The following C7orf78 variants were observed in gnomAD, a reference collection of about 807,000 sequenced individuals.
C7orf78 encodes the protein putative uncharacterized protein C7orf78.
chr7:12,511,996 C>T, the C7orf78 span, among the ~76,000 whole-genome samples: 1 of 137,012 alleles, frequency 7.3e-6, no homozygotes, highest in Non-Finnish European at 1.5e-5. Flanking sequence ...AGGATGGTCT[C>T]GATCTCCTGA....
At chr7:12,500,553 A>G in the C7orf78 span, among the ~76,000 whole-genome samples, 18 of 150,602 alleles carry the variant, frequency 1.2e-4, no homozygotes, top group Admixed American at 1.2e-3. Context: ...CTCTGAATAG[A>G]CCAATAACAG....
At chr7:12,535,362 G>T in the C7orf78 span, among the ~76,000 whole-genome samples, 37,458 of 152,104 alleles carry the variant, frequency 0.25, 5,016 homozygotes, top group South Asian at 0.35. Flanking sequence ...AGCTTGTGCA[G>T]GGAAACTCTT....
At chr7:12,518,491 G>C in the C7orf78 span, among the ~76,000 whole-genome samples, 2 of 152,128 alleles carry the variant, frequency 1.3e-5, no homozygotes, top group African/African-American at 4.8e-5. Context: ...GTGCTCACTG[G>C]TGTTGGCAGT....
chr7:12,536,617 C>CT, the C7orf78 span, among the ~76,000 whole-genome samples: 4 of 152,154 alleles, frequency 2.6e-5, no homozygotes, highest in Non-Finnish European at 5.9e-5. Flanking sequence ...TCAGAAAACG[C>CT]TTTTTTTCTT....
chr7:12,500,260 G>A, the C7orf78 span, among the ~76,000 whole-genome samples: 11 of 151,984 alleles, frequency 7.2e-5, no homozygotes, highest in South Asian at 4.2e-4. Context: ...AGAGACACAA[G>A]AAACCCTTCA....
the C7orf78 span, among the ~76,000 whole-genome samples, chr7:12,496,166 C>A: frequency 2.6e-5 from 4 of 152,154 alleles, no homozygotes; most frequent in Non-Finnish European, 4.4e-5. Context: ...ACCTCGTGAT[C>A]CGCCGCCCTC....
the C7orf78 span, among the ~76,000 whole-genome samples, chr7:12,515,153 C>A: frequency 6.6e-6 from 1 of 152,170 alleles, no homozygotes; most frequent in Non-Finnish European, 1.5e-5. Flanking sequence ...GCTGTGTCCT[C>A]ACCCAAATCT....
At chr7:12,500,499 T>G in the C7orf78 span, among the ~76,000 whole-genome samples, 2 of 149,530 alleles carry the variant, frequency 1.3e-5, no homozygotes, top group East Asian at 2.0e-4. Context: ...ATAAATTCCT[T>G]GACACATACA....
At chr7:12,516,029 C>A in the C7orf78 span, among the ~76,000 whole-genome samples, 1 of 152,162 alleles carries the variant, frequency 6.6e-6, no homozygotes, top group Non-Finnish European at 1.5e-5. Context: ...ACATAAGTAA[C>A]AAGGAGCCAA....
At chr7:12,530,114 C>A in the C7orf78 span, among the ~76,000 whole-genome samples, 1 of 152,128 alleles carries the variant, frequency 6.6e-6, no homozygotes, top group African/African-American at 2.4e-5. Flanking sequence ...ACCTCAGATT[C>A]AAAGATTCCC....
chr7:12,509,823 G>C, the C7orf78 span, among the ~76,000 whole-genome samples: 3 of 152,268 alleles, frequency 2.0e-5, no homozygotes, highest in African/African-American at 7.2e-5. Flanking sequence ...AGTGGCTCAT[G>C]CCTGTAATCC....
the C7orf78 span, among the ~76,000 whole-genome samples, chr7:12,524,975 GTGTAACCACCAGA>G: frequency 1.3e-5 from 2 of 152,122 alleles, no homozygotes; most frequent in African/African-American, 4.8e-5. Flanking sequence ...GTTATAAATT[GTGTAACCACCAGA>G]TGTCAGTATT....
At chr7:12,488,013 C>G in the C7orf78 span, among the ~76,000 whole-genome samples, 1 of 151,900 alleles carries the variant, frequency 6.6e-6, no homozygotes, top group Non-Finnish European at 1.5e-5. Flanking sequence ...CCACATTTTT[C>G]AAAGAAAATA....
chr7:12,530,217 A>G, the C7orf78 span, among the ~76,000 whole-genome samples: 16 of 152,104 alleles, frequency 1.1e-4, no homozygotes, highest in Admixed American at 9.8e-4. Flanking sequence ...GGTTCTTGTC[A>G]TGTAGTCGAA....
At chr7:12,515,340 C>A in the C7orf78 span, among the ~76,000 whole-genome samples, 2 of 152,126 alleles carry the variant, frequency 1.3e-5, no homozygotes, top group African/African-American at 4.8e-5. Context: ...TTTCTCTTGC[C>A]ATTGCCATGT....
At chr7:12,509,286 A>C in the C7orf78 span, among the ~76,000 whole-genome samples, 997 of 152,334 alleles carry the variant, frequency 6.5e-3, 16 homozygotes, top group African/African-American at 0.023. Context: ...CCTCTAGGAT[A>C]ATTGCTTTTC....
At chr7:12,496,172 C>G in the C7orf78 span, among the ~76,000 whole-genome samples, 1 of 152,036 alleles carries the variant, frequency 6.6e-6, no homozygotes, top group African/African-American at 2.4e-5. Context: ...TGATCCGCCG[C>G]CCTCGGCCTC....
At chr7:12,522,839 A>G in the C7orf78 span, 1 of 394,956 alleles carries the variant, frequency 2.5e-6, no homozygotes, top group African/African-American at 2.1e-5. Context: ...TCTCCTCCAT[A>G]CATATTCCCT....
the C7orf78 span, chr7:12,487,076 G>A: frequency 1.3e-5 from 2 of 151,724 alleles, no homozygotes; most frequent in African/African-American, 4.8e-5. Context: ...ATTTAGGTAA[G>A]TTACCTAACA....
Sources: allele counts gnomAD v4.1 joint callset (sites outside exome capture counted in the v4.1 genomes callset), GRCh38; gene constraint gnomAD v4.1.1; transcripts MANE v1.5; gene names NCBI Gene and HGNC (gene_info 2026-07-23, HGNC 2026-07-21).